Variants in CFAP69 observed in about 807,000 individuals in gnomAD.
CFAP69 encodes the protein cilia- and flagella-associated protein 69.
Under a neutral mutation model 123.0 loss-of-function variants are expected in CFAP69, and 92 were observed. The ratio of observed to expected loss-of-function variants is 0.75; its 90% CI spans 0.63 to 0.89. The LOEUF (loss-of-function observed/expected upper bound fraction) is 0.89, where lower values mean the gene tolerates loss of function less well. CFAP69 is among the 40% of genes least tolerant of loss of function. The pLI, the probability that CFAP69 is intolerant of heterozygous loss-of-function variation, is 0.00. For synonymous variants in CFAP69, 380 were observed against 364.3 expected, an observed-to-expected ratio of 1.04 and a Z score of -0.49; for missense variants, 1,067 against 1,096.9, an observed-to-expected ratio of 0.97 and a Z score of 0.39.
At chr7:90,262,711 T>A (rs1235464849) in intron 4 of CFAP69, among the ~76,000 whole-genome samples, 1 of 151,972 alleles carries the variant, frequency 6.6e-6, no homozygotes, top group Non-Finnish European at 1.5e-5. Context: ...AATAAACCTT[T>A]TGGACAATTT....
At chr7:90,262,744 A>G (rs776073013) in intron 4 of CFAP69, among the ~76,000 whole-genome samples, 28 of 151,924 alleles carry the variant, frequency 1.8e-4, no homozygotes, top group Non-Finnish European at 3.5e-4. Context: ...CTTTCTACCA[A>G]TTTAACTTTT....
chr7:90,304,914 C>A, intron 19 of CFAP69, 94 bp downstream of exon 19: 2 of 903,226 alleles, frequency 2.2e-6, no homozygotes, highest in Non-Finnish European at 3.3e-6. Flanking sequence ...GAGCAATCAT[C>A]TACATACTGT....
At chr7:90,314,598 G>A (rs1259004516), downstream of CFAP69, among the ~76,000 whole-genome samples, 1 of 150,166 alleles carries the variant, frequency 6.7e-6, no homozygotes, top group African/African-American at 2.5e-5. Flanking sequence ...CACTGACAGA[G>A]CAAGACCCTG....
intron 3 of CFAP69, among the ~76,000 whole-genome samples, chr7:90,258,962 G>A (rs1000654213): frequency 1.3e-5 from 2 of 152,158 alleles, no homozygotes; most frequent in African/African-American, 4.8e-5. Flanking sequence ...CTCCACCCTT[G>A]TAAAGTAATA....
chr7:90,294,819 T>C (rs1791693537), intron 15 of CFAP69, among the ~76,000 whole-genome samples: 1 of 152,150 alleles, frequency 6.6e-6, no homozygotes, highest in Non-Finnish European at 1.5e-5. Context: ...AAATCATTTC[T>C]CCCATTAATC....
At chr7:90,264,102 AAAATATATATATATATATATATATAT>A (rs1378294173) in intron 4 of CFAP69, among the ~76,000 whole-genome samples, 12 of 33,846 alleles carry the variant, frequency 3.5e-4, no homozygotes, top group African/African-American at 1.1e-3. Flanking sequence ...AAAAAAAAAA[AAAATATATATATATATATATATATAT>A]ATATATATAT....
chr7:90,302,546 C>T (rs966732568), intron 17 of CFAP69: 2 of 152,168 alleles, frequency 1.3e-5, no homozygotes, highest in African/African-American at 4.8e-5. Context: ...ATATGGCTGG[C>T]TAGTTATCCC....
chr7:90,286,532 T>A, intron 14 of CFAP69, 133 bp downstream of exon 14: 1 of 903,622 alleles, frequency 1.1e-6, no homozygotes, highest in South Asian at 1.7e-5. Context: ...AGCATAATTA[T>A]ATAAAGTAAA....
the CFAP69 span, chr7:90,319,041 A>G: frequency 1.3e-4 from 28 of 216,118 alleles, no homozygotes; most frequent in African/African-American, 6.3e-4. Context: ...AAATTTCTTC[A>G]ACAAATGTAA....
At chr7:90,304,673 A>G in intron 18 of CFAP69, 71 bp from the exon 19 acceptor site, 1 of 1,514,024 alleles carries the variant, frequency 6.6e-7, no homozygotes, top group South Asian at 1.2e-5. Context: ...ATAGATAGAT[A>G]GATAGATAGA....
At chr7:90,312,908 G>C (rs1794451006), downstream of CFAP69, 1 of 152,174 alleles carries the variant, frequency 6.6e-6, no homozygotes, top group Non-Finnish European at 1.5e-5. Flanking sequence ...GATAAAAGTA[G>C]CTTCAACAAT....
chr7:90,245,477 G>A lies in CFAP69; in HGVS notation c.53G>A (p.Arg18Lys). The change falls in exon 1 of 23, where the codon AGG (arginine) becomes AAG (lysine). Residue 18 changes from arginine to lysine, a missense_variant. Transcript: ENST00000389297. ...ATAEAQESGIRNKSSSSSQIP... is the reference protein window; with the variant it reads ...ATAEAQESGIKNKSSSSSQIP... ...GCCGAGGCCCAGGAATCCGGCATCA[G>A]GAACAAGTCTAGCAGTTCCAGTCAA... 6.4e-7 allele frequency: 1 copy of A among 1,553,442 alleles called. No homozygotes were observed. Among genetic ancestry groups the A allele is most frequent in the Non-Finnish European group, 8.7e-7 (1 of 1,153,282 alleles).
intron 21 of CFAP69, among the ~76,000 whole-genome samples, chr7:90,308,291 G>C (rs1338539946): frequency 6.6e-6 from 1 of 152,160 alleles, no homozygotes; most frequent in Non-Finnish European, 1.5e-5. Flanking sequence ...AAACTTAAAT[G>C]TGAACTGGGG....
rs527461812 is a variant in CFAP69 at position 90,249,308 on chromosome 7, C to T, written c.120+3764C>T. On this transcript the variant is annotated intron_variant, in intron 1 of 22. Coordinates refer to ENST00000389297, the MANE Select transcript of CFAP69 (RefSeq NM_001039706.3). ...AGGTCTTTGCTTCCCCTTTGCCTTC[C>T]GCCATGACTGTTTTTCTTGAGGCCT... is the stretch of plus-strand genomic sequence containing the variant. Among the ~76,000 whole-genome samples, 8 of 152,272 alleles carry T rather than the reference C, an allele frequency of 5.3e-5. 1 individual carries two copies. The highest frequency in any genetic ancestry group is 9.6e-5 in the African/African-American group (4 of 41,556).
intron 6 of CFAP69, 93 bp from the exon 7 acceptor site, chr7:90,271,433 C>A: frequency 1.4e-5 from 19 of 1,342,718 alleles, no homozygotes; most frequent in Non-Finnish European, 1.8e-5. Flanking sequence ...AAAAGTTTTT[C>A]TTGCTGTTGC....
At chr7:90,259,461 T>TGGG (rs1428715933) in intron 3 of CFAP69, among the ~76,000 whole-genome samples, 38 of 128,650 alleles carry the variant, frequency 3.0e-4, no homozygotes, top group African/African-American at 1.1e-3. Context: ...TGTTTTGTTT[T>TGGG]GTTTTGGGGT....
At chr7:90,323,568 G>C in the CFAP69 span, among the ~76,000 whole-genome samples, 1 of 152,062 alleles carries the variant, frequency 6.6e-6, no homozygotes, top group South Asian at 2.1e-4. Context: ...TCTTGAACCA[G>C]GGAGAAAAAC....
chr7:90,295,136 A>G lies in CFAP69; in HGVS notation c.1776-2613A>G, dbSNP rs17865406. Reference sequence around the variant, plus strand: ...GCGCCTAATCCTCTCACCCATAACCATAAGCAAAAAGTGCAAGGCAGATTA... The same window carrying G: ...GCGCCTAATCCTCTCACCCATAACCGTAAGCAAAAAGTGCAAGGCAGATTA... On this transcript the variant is annotated intron_variant, in intron 15 of 22. Transcript: ENST00000389297. Among the ~76,000 whole-genome samples the G allele has an allele frequency of 1.9e-3, 282 of 152,326 alleles. 7 individuals carry two copies. The East Asian group carries it at 0.048, about 26-fold the overall frequency.
At chr7:90,246,816 A>ATT (rs11368221) in intron 1 of CFAP69, among the ~76,000 whole-genome samples, 24 of 144,570 alleles carry the variant, frequency 1.7e-4, no homozygotes, top group Non-Finnish European at 2.6e-4. Flanking sequence ...GCAAGCGTGG[A>ATT]TTTTTTTTTT....
Sources: allele counts gnomAD v4.1 joint callset (sites outside exome capture counted in the v4.1 genomes callset), GRCh38; gene constraint gnomAD v4.1.1; transcripts MANE v1.5; gene names NCBI Gene and HGNC (gene_info 2026-07-23, HGNC 2026-07-21).